ZNF169: variants seen among roughly 807,000 people sequenced by gnomAD.
ZNF169 encodes the protein zinc finger protein 169.
Under a neutral mutation model 12.0 loss-of-function variants are expected in ZNF169, and 11 were observed. That is an observed-to-expected ratio of 0.92 (90% CI 0.58 to 1.52). The LOEUF (loss-of-function observed/expected upper bound fraction) is 1.52, where lower values mean the gene tolerates loss of function less well. Among genes scored for constraint, ZNF169 ranks in the 40% most tolerant of loss-of-function variants. ZNF169 has a pLI of 0.00. For missense variants in ZNF169, 722 were observed against 744.0 expected, an observed-to-expected ratio of 0.97 and a Z score of 0.34; for synonymous variants, 302 against 286.5, an observed-to-expected ratio of 1.05 and a Z score of -0.55.
chr9:94,278,209 T>G (rs1285750096), intron 1 of ZNF169, among the ~76,000 whole-genome samples: 5 of 152,220 alleles, frequency 3.3e-5, no homozygotes, highest in African/African-American at 1.2e-4. Flanking sequence ...ACTGACTGCC[T>G]GTTCCTAAAT....
At chr9:94,269,943 A>G (rs1215770249) in intron 1 of ZNF169, among the ~76,000 whole-genome samples, 2 of 152,184 alleles carry the variant, frequency 1.3e-5, no homozygotes, top group Non-Finnish European at 2.9e-5. Context: ...CTGCTAAATC[A>G]GGAGGTTTGA....
chr9:94,284,824 T>A (rs1023769404), intron 2 of ZNF169, among the ~76,000 whole-genome samples: 8 of 152,114 alleles, frequency 5.3e-5, no homozygotes. Context: ...CCCAAAATGA[T>A]CTATAGATTT....
intron 1 of ZNF169, among the ~76,000 whole-genome samples, chr9:94,270,715 TA>T (rs1830379201): frequency 1.6e-4 from 5 of 31,618 alleles, no homozygotes; most frequent in Non-Finnish European, 3.4e-4. Context: ...TTATATAATA[TA>T]TAATATTATA....
chr9:94,259,411 A>C (rs1830158516), intron 1 of ZNF169, 66 bp downstream of exon 1: 1 of 152,390 alleles, frequency 6.6e-6, no homozygotes, highest in Non-Finnish European at 1.5e-5. Context: ...CGGGCCTTCC[A>C]CTGGAAGGAA....
chr9:94,272,276 A>C (rs758075812), intron 1 of ZNF169, among the ~76,000 whole-genome samples: 3 of 151,860 alleles, frequency 2.0e-5, no homozygotes, highest in Non-Finnish European at 4.4e-5. Context: ...TGATCTTCTT[A>C]TTCTTTTTTT....
chr9:94,265,800 C>T (rs1830282249), intron 1 of ZNF169, among the ~76,000 whole-genome samples: 1 of 152,098 alleles, frequency 6.6e-6, no homozygotes, highest in Admixed American at 6.5e-5. Flanking sequence ...CCTGCTAAAT[C>T]ATGGAGGCTT....
chr9:94,270,170 T>A (rs1830364433), intron 1 of ZNF169, among the ~76,000 whole-genome samples: 1 of 152,226 alleles, frequency 6.6e-6, no homozygotes, highest in Non-Finnish European at 1.5e-5. Flanking sequence ...ATATTTAACT[T>A]AACCACACAG....
At chr9:94,298,688 C>G (rs1390016389) in intron 4 of ZNF169, among the ~76,000 whole-genome samples, 1 of 149,576 alleles carries the variant, frequency 6.7e-6, no homozygotes, top group Non-Finnish European at 1.5e-5. Flanking sequence ...AAGATCACGC[C>G]ACTGCACTCC....
chr9:94,298,224 G>A (rs556084774), intron 4 of ZNF169, among the ~76,000 whole-genome samples: 1 of 151,634 alleles, frequency 6.6e-6, no homozygotes, highest in East Asian at 1.9e-4. Flanking sequence ...TTAAAAAGCA[G>A]GAGTCTTTAA....
intron 2 of ZNF169, among the ~76,000 whole-genome samples, chr9:94,279,113 A>G (rs576772333): frequency 1.3e-5 from 2 of 152,182 alleles, no homozygotes; most frequent in African/African-American, 2.4e-5. Flanking sequence ...AAGGCCTACA[A>G]AAGTATAGTG....
At chr9:94,266,197 G>A (rs962573295) in intron 1 of ZNF169, among the ~76,000 whole-genome samples, 1 of 151,770 alleles carries the variant, frequency 6.6e-6, no homozygotes, top group Non-Finnish European at 1.5e-5. Flanking sequence ...TTGTATAAGG[G>A]CACTGACTTT....
At chr9:94,292,607 T>TTTGTGTGTGTGTGTGTGTGTGTGTG (rs386415517) in intron 3 of ZNF169, 140 bp downstream of exon 3, 14 of 678,926 alleles carry the variant, frequency 2.1e-5, no homozygotes, top group East Asian at 1.2e-4. Flanking sequence ...CACAGTGCAG[T>TTTGTGTGTGTGTGTGTGTGTGTGTG]TGTGTGTGTG....
At chr9:94,262,281 T>G (rs1830219282) in intron 1 of ZNF169, among the ~76,000 whole-genome samples, 1 of 152,060 alleles carries the variant, frequency 6.6e-6, no homozygotes, top group Admixed American at 6.6e-5. Context: ...CAGTTGTCTT[T>G]TTTGCCTGGA....
chr9:94,273,554 T>C (rs1830463088), intron 1 of ZNF169, among the ~76,000 whole-genome samples: 1 of 150,290 alleles, frequency 6.7e-6, no homozygotes, highest in Non-Finnish European at 1.5e-5. Flanking sequence ...AGTACATTCA[T>C]TTAAAGCTAT....
chr9:94,276,488 T>G (rs555456649), intron 1 of ZNF169, among the ~76,000 whole-genome samples: 1 of 152,212 alleles, frequency 6.6e-6, no homozygotes, highest in East Asian at 1.9e-4. Flanking sequence ...CTTGAACACC[T>G]GACCTCATGA....
At chr9:94,294,202 G>A (rs1311945542) in intron 4 of ZNF169, 1 of 152,202 alleles carries the variant, frequency 6.6e-6, no homozygotes, top group Non-Finnish European at 1.5e-5. Flanking sequence ...CACTCTGGGA[G>A]GCCGAGGCAG....
At chr9:94,290,613 G>A (rs1444163463) in intron 2 of ZNF169, among the ~76,000 whole-genome samples, 2 of 152,136 alleles carry the variant, frequency 1.3e-5, no homozygotes, top group East Asian at 1.9e-4. Flanking sequence ...CATTGTATGT[G>A]TATACCACAT....
intron 4 of ZNF169, chr9:94,295,957 A>G (rs1258470876): frequency 6.6e-6 from 1 of 152,228 alleles, no homozygotes; most frequent in Non-Finnish European, 1.5e-5. Flanking sequence ...GAAGAAACTC[A>G]CAAACTGCTT....
At chr9:94,267,092 A>G (rs1462445237) in intron 1 of ZNF169, among the ~76,000 whole-genome samples, 1 of 151,934 alleles carries the variant, frequency 6.6e-6, no homozygotes, top group African/African-American at 2.4e-5. Flanking sequence ...GGCTTTTTAA[A>G]TTGGCTTTGA....
Sources: allele counts gnomAD v4.1 joint callset (sites outside exome capture counted in the v4.1 genomes callset), GRCh38; gene constraint gnomAD v4.1.1; transcripts MANE v1.5; gene names NCBI Gene and HGNC (gene_info 2026-07-23, HGNC 2026-07-21).